PTBP3: variants seen among roughly 807,000 people sequenced by gnomAD.
The protein encoded by PTBP3 is polypyrimidine tract-binding protein 3.
Under a neutral mutation model 58.7 loss-of-function variants are expected in PTBP3, and 20 were observed. The observed-to-expected ratio is 0.34, with a 90% CI of 0.24 to 0.50. PTBP3 has a LOEUF of 0.50. Among genes scored for constraint, PTBP3 ranks in the 20% least tolerant of loss-of-function variants. PTBP3 has a pLI of 0.98. For missense variants in PTBP3, 509 were observed against 637.2 expected (o/e 0.80, Z 2.17); for synonymous variants, 185 against 219.8 (o/e 0.84, Z 1.40).
At chr9:112,297,726 T>G in intron 2 of PTBP3, 106 bp downstream of exon 2, 2 of 902,448 alleles carry the variant, frequency 2.2e-6, no homozygotes, top group Non-Finnish European at 3.3e-6. Context: ...TTAGCTTTTG[T>G]TATGAACAGT....
chr9:112,268,384 A>G (rs1428201776), intron 3 of PTBP3, among the ~76,000 whole-genome samples, 189 bp from the exon 4 acceptor site: 2 of 152,184 alleles, frequency 1.3e-5, no homozygotes, highest in Non-Finnish European at 2.9e-5. Flanking sequence ...AAACATCTAA[A>G]AAGTTGGGTT....
At chr9:112,248,095 T>C (rs1451958093) in intron 7 of PTBP3, among the ~76,000 whole-genome samples, 1 of 152,170 alleles carries the variant, frequency 6.6e-6, no homozygotes, top group Non-Finnish European at 1.5e-5. Context: ...TTTAAATTAT[T>C]ACTAAAACAC....
chr9:112,362,397 T>G, the PTBP3 span, among the ~76,000 whole-genome samples: 2 of 152,344 alleles, frequency 1.3e-5, no homozygotes, highest in Admixed American at 1.3e-4. Context: ...GTGTATATAT[T>G]GGACACTGGA....
intron 2 of PTBP3, among the ~76,000 whole-genome samples, chr9:112,295,152 T>G (rs1359503369): frequency 1.3e-5 from 2 of 150,326 alleles, no homozygotes; most frequent in African/African-American, 2.5e-5. Context: ...GGCAGGAGAA[T>G]CTCTTGAACC....
the PTBP3 span, chr9:112,362,793 A>G: frequency 3.3e-6 from 1 of 306,448 alleles, no homozygotes; most frequent in Non-Finnish European, 6.3e-6. Context: ...CAGTCAGAAC[A>G]ATATGTCAAA....
chr9:112,230,656 C>G (rs554569764), intron 10 of PTBP3, among the ~76,000 whole-genome samples: 3 of 152,212 alleles, frequency 2.0e-5, no homozygotes, highest in African/African-American at 7.2e-5. Context: ...CCTTGGATTA[C>G]TGAATCAAAA....
intron 2 of PTBP3, among the ~76,000 whole-genome samples, chr9:112,287,713 A>C (rs1828206474): frequency 6.6e-6 from 1 of 152,156 alleles, no homozygotes; most frequent in African/African-American, 2.4e-5. Context: ...CTTTTGTAGA[A>C]TACAATGTGC....
chr9:112,379,806 G>C, the PTBP3 span: 6 of 444,412 alleles, frequency 1.4e-5, no homozygotes, highest in Admixed American at 2.6e-4. Flanking sequence ...TAGAGACAGG[G>C]AAAAGGTGGA....
In PTBP3 at chr9:112,262,499, C is replaced by T. The variant is rs74591590; in HGVS notation, c.452G>A (p.Ser151Asn). The T allele has an allele frequency of 1.9e-6, 3 of 1,611,376 alleles. No individual in the cohort carries two copies. Among genetic ancestry groups the T allele is most frequent in the Middle Eastern group, 1.7e-4 (1 of 6,054 alleles). Residue 151 changes from serine (S) to asparagine (N), a missense_variant, in exon 5 of 14, where the codon AGC becomes AAC. Coordinates refer to ENST00000374257, the MANE Select transcript of PTBP3 (RefSeq NM_001163788.4). ...TTCAATAATTATTCGAAGCACAGGG[C>T]TCTGCCCAGGTAGGACTGTGCCTTC... ...SNEGTVLPGQSPVLRIIIENL... is the reference protein window; with the variant it reads ...SNEGTVLPGQNPVLRIIIENL...
In PTBP3 at chr9:112,320,314, A is replaced by ATTT. The variant is rs67226574; in HGVS notation, c.-52+13153_-52+13155dup. ...AAAATATATATATATATATATATATATTTTTTTTTAAGTGTTATCACCAGA... is the reference window on the plus strand; with the variant it reads ...AAAATATATATATATATATATATATATTTTTTTTTTTTAAGTGTTATCACCAGA... On this transcript the variant is annotated intron_variant, in intron 1 of 13. Coordinates refer to ENST00000374257, the MANE Select transcript of PTBP3 (RefSeq NM_001163788.4). Among the ~76,000 whole-genome samples the ATTT allele has an allele frequency of 2.4e-3, 181 of 75,606 alleles. 1 individual carries two copies. Among genetic ancestry groups the ATTT allele is most frequent in the African/African-American group, 8.2e-3 (122 of 14,884 alleles). 49.6% of individuals were successfully genotyped at this position (75,606 alleles called of 152,430 possible).
chr9:112,220,653 TC>T lies in PTBP3; in HGVS notation c.*3197del, dbSNP rs1834775048. The T allele has an allele frequency of 1.0e-6, 1 of 989,712 alleles. No homozygotes were observed. Among genetic ancestry groups the T allele is most frequent in the African/African-American group, 1.7e-5 (1 of 57,256 alleles). The allele number at this position is 989,712 out of a possible 1,614,324, so 61.3% of individuals were successfully genotyped here. ...AAGAGCTGCTGGGTAATTCTGATAC[TC>T]TCCAGTAAGTATCAATTAAGATACT... On this transcript the variant is annotated 3_prime_UTR_variant, in exon 14 of 14. Coordinates refer to ENST00000374257, the MANE Select transcript of PTBP3 (RefSeq NM_001163788.4).
chr9:112,231,999 G>C (rs113161156), intron 9 of PTBP3, 100 bp downstream of exon 9: 1 of 571,266 alleles, frequency 1.8e-6, no homozygotes, highest in African/African-American at 8.1e-5. Context: ...GAGAAGAGAA[G>C]AGAAGAGAAG....
intron 1 of PTBP3, among the ~76,000 whole-genome samples, chr9:112,309,244 A>G (rs7037658): frequency 0.49 from 73,909 of 151,762 alleles, 18,346 homozygotes; most frequent in African/African-American, 0.58. Context: ...GAAATATCCA[A>G]GTCCTACCTT....
rs894019684 is a variant in PTBP3 at position 112,234,850 on chromosome 9, C to A, written c.850G>T (p.Ala284Ser). The A allele has an allele frequency of 3.1e-6, 5 of 1,612,894 alleles. No homozygotes were observed. Among genetic ancestry groups the A allele is most frequent in the Admixed American group, 1.7e-5 (1 of 59,920 alleles). Reference protein sequence around the residue: ...SSPYAGAAGFAPAIGFPQATG... With the variant: ...SSPYAGAAGFSPAIGFPQATG... Reference sequence around the variant, plus strand: ...GCTTGAGGAAATCCAATGGCTGGGGCAAATCCAGCAGCCCCTGCATATGGT... The same window carrying A: ...GCTTGAGGAAATCCAATGGCTGGGGAAAATCCAGCAGCCCCTGCATATGGT... The change falls in exon 8 of 14, where the codon GCC becomes TCC. Residue 284 changes from alanine to serine, a missense_variant. Ala to Ser is a moderately conservative substitution (Grantham distance 99). Around this residue, in one of 4 missense-constraint regions of PTBP3, gnomAD observed 121 missense variants for 114.8 expected, o/e 1.05. Transcript: ENST00000374257.
rs1240258532 is a variant in PTBP3 at position 112,222,842 on chromosome 9, T to C, written c.*1009A>G. On this transcript the variant is annotated 3_prime_UTR_variant, in exon 14 of 14. Transcript: ENST00000374257. The stretch of plus-strand genomic sequence containing the variant: ...TAAATACACAGTAATTCTGAGTAAG[T>C]ATTAGAGATTATAGTGGTACAAAAA... 1.1e-6 allele frequency: 1 copy of C among 892,074 alleles called. No individual in the cohort carries two copies. The allele number at this position is 892,074 out of a possible 1,614,324, so 55.3% of individuals were successfully genotyped here.
At chr9:112,341,549 T>C in the PTBP3 span, among the ~76,000 whole-genome samples, 2 of 152,178 alleles carry the variant, frequency 1.3e-5, no homozygotes, top group Non-Finnish European at 2.9e-5. Flanking sequence ...ATGGCAGTAC[T>C]ACTTTGATCT....
At chr9:112,351,828 G>A in the PTBP3 span, among the ~76,000 whole-genome samples, 2 of 152,028 alleles carry the variant, frequency 1.3e-5, no homozygotes, top group South Asian at 2.1e-4. Context: ...TCAATGTGGG[G>A]GTTTTTTGGT....
intron 5 of PTBP3, among the ~76,000 whole-genome samples, chr9:112,254,053 C>T (rs1194747859): frequency 6.6e-6 from 1 of 152,168 alleles, no homozygotes; most frequent in Non-Finnish European, 1.5e-5. Context: ...CACTATGGTA[C>T]AATCATGGCT....
the PTBP3 span, among the ~76,000 whole-genome samples, chr9:112,356,602 TAC>T: frequency 6.8e-6 from 1 of 146,898 alleles, no homozygotes; most frequent in African/African-American, 2.5e-5. Flanking sequence ...AATGGTGAAA[TAC>T]AGCTTGATCC....
Sources: allele counts gnomAD v4.1 joint callset (sites outside exome capture counted in the v4.1 genomes callset), GRCh38; gene constraint gnomAD v4.1.1; regional missense constraint gnomAD v4.1.1; transcripts MANE v1.5; gene names NCBI Gene and HGNC (gene_info 2026-07-23, HGNC 2026-07-21).